The following PSD3 variants were observed in gnomAD, a reference collection of about 807,000 sequenced individuals.
The protein encoded by PSD3 is pleckstrin and Sec7 domain containing 3.
PSD3 carries 49 observed loss-of-function variants against 105.5 expected under a neutral mutation model. That is an observed-to-expected ratio of 0.46 (90% CI 0.37 to 0.59). The LOEUF (loss-of-function observed/expected upper bound fraction) is 0.59, where lower values mean the gene tolerates loss of function less well. PSD3 is among the 20% of genes least tolerant of loss of function. The pLI is 0.00. For missense variants in PSD3, 1,561 were observed against 1,263.8 expected (o/e 1.24, Z -3.57); for synonymous variants, 557 against 457.8 (o/e 1.22, Z -2.77).
chr8:19,059,034 C>G (rs1301103213), intron 1 of PSD3, among the ~76,000 whole-genome samples: 1 of 152,174 alleles, frequency 6.6e-6, no homozygotes, highest in African/African-American at 2.4e-5. Flanking sequence ...TTGACTGTCC[C>G]CCAGTGATCT....
intron 10 of PSD3, among the ~76,000 whole-genome samples, chr8:18,635,432 C>T (rs186259481): frequency 1.2e-4 from 18 of 152,160 alleles, no homozygotes; most frequent in African/African-American, 3.6e-4. Flanking sequence ...AATATACAAC[C>T]ATTGTCTTGT....
chr8:18,783,031 A>G (rs1411406217), intron 8 of PSD3, among the ~76,000 whole-genome samples: 1 of 152,222 alleles, frequency 6.6e-6, no homozygotes, highest in Non-Finnish European at 1.5e-5. Context: ...TTACTTAAAA[A>G]GTGTTACTCT....
intron 1 of PSD3, among the ~76,000 whole-genome samples, chr8:19,042,472 G>A (rs574815958): frequency 6.6e-6 from 1 of 152,280 alleles, no homozygotes; most frequent in Non-Finnish European, 1.5e-5. Context: ...ACAGAAGAAC[G>A]TTAGTGATTG....
intron 9 of PSD3, among the ~76,000 whole-genome samples, chr8:18,671,147 C>T (rs1000273631): frequency 6.6e-6 from 1 of 152,060 alleles, no homozygotes; most frequent in Non-Finnish European, 1.5e-5. Context: ...GAAAAAAGAA[C>T]AATAAACTAG....
chr8:18,830,630 G>C (rs1399534083), intron 4 of PSD3, among the ~76,000 whole-genome samples: 1 of 152,114 alleles, frequency 6.6e-6, no homozygotes, highest in African/African-American at 2.4e-5. Context: ...TTGGCTTTTG[G>C]GCAAACTTTT....
intron 9 of PSD3, among the ~76,000 whole-genome samples, chr8:18,739,150 T>A (rs1001891593): frequency 1.3e-5 from 2 of 152,170 alleles, no homozygotes; most frequent in Non-Finnish European, 2.9e-5. Flanking sequence ...GTAATAAATA[T>A]ATTTAAGGAA....
At position 18,527,508 on chromosome 8, in the gene PSD3, A is replaced by G. The variant is rs925725635; in HGVS notation, c.*8235T>C. ...TTATATTCATAAACATTTACACAAT[A>G]AATGTACTCTATATATCACAGCTTC... On this transcript the variant is annotated 3_prime_UTR_variant, in exon 16 of 16. Transcript: ENST00000327040. 1 of 152,660 alleles carries G rather than the reference A, an allele frequency of 6.6e-6. No homozygotes were observed. The highest frequency in any genetic ancestry group is 2.4e-5 in the African/African-American group (1 of 41,454). The allele number at this position is 152,660 out of a possible 1,614,324, so 9.5% of individuals were successfully genotyped here.
intron 9 of PSD3, among the ~76,000 whole-genome samples, chr8:18,704,800 T>C (rs374342112): frequency 7.9e-5 from 12 of 152,154 alleles, no homozygotes; most frequent in East Asian, 3.9e-4. Flanking sequence ...AAAAATAATA[T>C]GTTAAAAGAC....
At chr8:18,732,673 C>G (rs1162467138) in intron 9 of PSD3, among the ~76,000 whole-genome samples, 1 of 152,186 alleles carries the variant, frequency 6.6e-6, no homozygotes, top group Non-Finnish European at 1.5e-5. Flanking sequence ...TTAAGGCCTG[C>G]CGTTACAACA....
At chr8:18,551,491 AG>A (rs1444142849) in intron 15 of PSD3, among the ~76,000 whole-genome samples, 3 of 152,188 alleles carry the variant, frequency 2.0e-5, no homozygotes, top group African/African-American at 7.2e-5. Context: ...ATTCAGAAAA[AG>A]GTGCATCATG....
Position 18,529,411 on chromosome 8 carries a change from G to C in PSD3, c.*6332C>G, listed in dbSNP as rs1291773848. ...GTTTGTATAACTTAAAACATTCACT[G>C]TGTGTGCATGTGTGCAAGCATGTGT... On this transcript the variant is annotated 3_prime_UTR_variant, in exon 16 of 16. Coordinates refer to ENST00000327040, the MANE Select transcript of PSD3 (RefSeq NM_015310.4). 2.0e-5 allele frequency: 3 copies of C among 152,240 alleles called. No homozygotes were observed. Among genetic ancestry groups the C allele is most frequent in the Non-Finnish European group, 4.4e-5 (3 of 68,030 alleles). The allele number at this position is 152,240 out of a possible 1,614,324, so 9.4% of individuals were successfully genotyped here.
At chr8:19,077,917 G>T (rs1829510769) in intron 1 of PSD3, among the ~76,000 whole-genome samples, 1 of 152,192 alleles carries the variant, frequency 6.6e-6, no homozygotes. Context: ...CTAATGTAAA[G>T]TTGAAGAGAC....
chr8:18,662,907 G>T lies in PSD3; in HGVS notation c.2173-7222C>A, dbSNP rs150949537. On this transcript the variant is annotated intron_variant, in intron 9 of 15. Coordinates refer to ENST00000327040, the MANE Select transcript of PSD3 (RefSeq NM_015310.4). ...CAAATGAACGAACAAGAATAGGAGA[G>T]GGAGTGGGAGCTACAGCAAGAAAGC... Among the ~76,000 whole-genome samples the T allele has an allele frequency of 7.4e-3, 1,134 of 152,326 alleles. 20 individuals are homozygous for T. The highest frequency in any genetic ancestry group is 0.026 in the African/African-American group (1,096 of 41,576).
intron 15 of PSD3, among the ~76,000 whole-genome samples, chr8:18,541,285 A>G (rs993353315): frequency 2.0e-5 from 3 of 152,032 alleles, no homozygotes; most frequent in African/African-American, 7.3e-5. Flanking sequence ...GTGGACAAGG[A>G]ATAAGCGCCA....
At chr8:19,062,807 G>C (rs1056957708) in intron 1 of PSD3, among the ~76,000 whole-genome samples, 30 of 152,256 alleles carry the variant, frequency 2.0e-4, no homozygotes, top group Admixed American at 1.2e-3. Context: ...CATGTAAGAT[G>C]TTACTACAGA....
At position 18,871,849 on chromosome 8, in the gene PSD3, T is replaced by C. The variant is rs1378183235; in HGVS notation, c.1015A>G (p.Lys339Glu). The C allele has an allele frequency of 1.9e-6, 3 of 1,614,114 alleles. No homozygotes were observed. Among genetic ancestry groups the C allele is most frequent in the African/African-American group, 2.7e-5 (2 of 74,944 alleles). ...TASPDSKESS[K>E]VPRHLISSAG... The stretch of plus-strand genomic sequence containing the variant: ...GATGAGATGAGATGGCGTGGCACTT[T>C]GGAAGACTCTTTGCTGTCAGGAGAG... Residue 339 changes from lysine (K) to glutamate (E), a missense_variant, in exon 3 of 16, where the codon AAA becomes GAA. By Grantham distance (56) the Lys-to-Glu change is moderately conservative. Transcript: ENST00000327040.
At chr8:18,635,465 A>G (rs538123055) in intron 10 of PSD3, among the ~76,000 whole-genome samples, 2 of 152,206 alleles carry the variant, frequency 1.3e-5, no homozygotes, top group Admixed American at 6.5e-5. Context: ...CAGCCAAAAA[A>G]AATCCCATTG....
At position 18,607,683 on chromosome 8, in the gene PSD3, C is replaced by CAAA. The variant is rs755375836; in HGVS notation, c.2411-7252_2411-7250dup. Among the ~76,000 whole-genome samples, 439 of 81,136 alleles carry CAAA rather than the reference C, an allele frequency of 5.4e-3. 33 individuals are homozygous for CAAA. Among genetic ancestry groups the CAAA allele is most frequent in the African/African-American group, 0.014 (256 of 18,780 alleles). The allele number at this position is 81,136 out of a possible 152,430, so 53.2% of individuals were successfully genotyped here. A position where few individuals can be genotyped will look rare whatever the true frequency, so the allele number is the denominator to read the frequency against. ...AGCATATAACAAGACTCCACTGCTA[C>CAAA]AAAAAAAAAAAACAAAACAAAAAAA... On this transcript the variant is annotated intron_variant, in intron 11 of 15. Coordinates refer to ENST00000327040, the MANE Select transcript of PSD3 (RefSeq NM_015310.4).
chr8:18,572,503 G>C, intron 14 of PSD3, 25 bp downstream of exon 14: 2 of 1,607,150 alleles, frequency 1.2e-6, no homozygotes, highest in South Asian at 1.1e-5. Context: ...TTTTCCCAAG[G>C]TCAAAGCACT....
Sources: allele counts gnomAD v4.1 joint callset (sites outside exome capture counted in the v4.1 genomes callset), GRCh38; gene constraint gnomAD v4.1.1; transcripts MANE v1.5; gene names NCBI Gene and HGNC (gene_info 2026-07-23, HGNC 2026-07-21).